APBA1: variants seen among roughly 807,000 people sequenced by gnomAD.
APBA1 encodes amyloid beta precursor protein binding family A member 1.
In APBA1, 55 loss-of-function variants were observed where a neutral mutation model predicts 86.6. The ratio of observed to expected loss-of-function variants is 0.64; its 90% CI spans 0.51 to 0.80. APBA1 has a LOEUF of 0.80. Ranked by LOEUF, APBA1 falls within the 30% of genes least tolerant of loss-of-function variation. APBA1 has a pLI of 0.00. For synonymous variants in APBA1, 511 were observed against 493.9 expected (o/e 1.03, Z -0.46); for missense variants, 1,090 against 1,183.0 (o/e 0.92, Z 1.15).
chr9:69,617,767 A>T (rs546041610), intron 1 of APBA1, among the ~76,000 whole-genome samples: 1 of 152,184 alleles, frequency 6.6e-6, no homozygotes, highest in Non-Finnish European at 1.5e-5. Flanking sequence ...GTAATATATA[A>T]TATGAAATTT....
In APBA1 at chr9:69,456,526, C is replaced by G. The variant is rs1046982942; in HGVS notation, c.1603-94G>C. ...CTTACAGCCAGTCAAGTATGGTTCG[C>G]ATGCAGGGTGGGCTCCAGGGCTCAC... On this transcript the variant is annotated intron_variant, in intron 7 of 12. Transcript: ENST00000265381. 9.7e-6 allele frequency: 13 copies of G among 1,341,214 alleles called. No homozygotes were observed. In the African/African-American group the frequency reaches 1.8e-4, roughly 18 times the overall value. 83.1% of individuals were successfully genotyped at this position (1,341,214 alleles called of 1,614,324 possible).
intron 1 of APBA1, among the ~76,000 whole-genome samples, chr9:69,577,451 C>T (rs1303597852): frequency 6.6e-6 from 1 of 152,152 alleles, no homozygotes; most frequent in Non-Finnish European, 1.5e-5. Context: ...CACTCCAGTA[C>T]ACCAGCACAC....
At chr9:69,469,356 G>A (rs1692348240) in intron 4 of APBA1, among the ~76,000 whole-genome samples, 1 of 152,108 alleles carries the variant, frequency 6.6e-6, no homozygotes, top group Admixed American at 6.5e-5. Context: ...TTACACAGCT[G>A]CTTCCTGTGC....
Position 69,604,890 on chromosome 9 carries a change from G to A in APBA1, c.-70+67263C>T, listed in dbSNP as rs568801573. ...TGGGCACACATGTACGCACATGAGG[G>A]TAAGAGGAGAGGCACACGGGTATGG... On this transcript the variant is annotated intron_variant, in intron 1 of 12. Coordinates refer to ENST00000265381, the MANE Select transcript of APBA1 (RefSeq NM_001163.4). Among the ~76,000 whole-genome samples the A allele has an allele frequency of 1.2e-4, 18 of 152,046 alleles. No homozygotes were observed. The South Asian group carries it at 3.7e-3, about 32-fold the overall frequency.
chr9:69,658,286 C>CTTTTTCTTTCTTTCTTTCTT (rs770180947), intron 1 of APBA1, among the ~76,000 whole-genome samples: 1 of 74,184 alleles, frequency 1.3e-5, no homozygotes, highest in East Asian at 3.8e-4. Context: ...CTTTCTTTCT[C>CTTTTTCTTTCTTTCTTTCTT]TCTCTCTTTC....
At chr9:69,660,523 T>C (rs1337907028) in intron 1 of APBA1, among the ~76,000 whole-genome samples, 2 of 152,336 alleles carry the variant, frequency 1.3e-5, no homozygotes, top group Middle Eastern at 3.4e-3. Flanking sequence ...TCTGTTTGCT[T>C]TTCCTCTCTG....
At chr9:69,619,827 A>G (rs1822779299) in intron 1 of APBA1, among the ~76,000 whole-genome samples, 1 of 152,236 alleles carries the variant, frequency 6.6e-6, no homozygotes. Context: ...CTGCCCCCAC[A>G]TATGTAACAG....
At chr9:69,442,891 G>A (rs1186081502) in intron 10 of APBA1, among the ~76,000 whole-genome samples, 1 of 152,170 alleles carries the variant, frequency 6.6e-6, no homozygotes, top group Non-Finnish European at 1.5e-5. Flanking sequence ...CTGGAACTAT[G>A]GATCCCTGCT....
intron 1 of APBA1, among the ~76,000 whole-genome samples, chr9:69,590,996 C>T (rs1822117336): frequency 6.6e-6 from 1 of 152,178 alleles, no homozygotes; most frequent in Non-Finnish European, 1.5e-5. Flanking sequence ...AAATCCTTTC[C>T]CACTGTTGCC....
intron 5 of APBA1, chr9:69,463,190 G>C (rs1835218973): frequency 6.6e-6 from 1 of 152,140 alleles, no homozygotes; most frequent in Non-Finnish European, 1.5e-5. Context: ...TTAAATTTCA[G>C]AGCCCTCAGC....
At chr9:69,505,069 C>A (rs971004072) in intron 2 of APBA1, among the ~76,000 whole-genome samples, 1 of 152,022 alleles carries the variant, frequency 6.6e-6, no homozygotes, top group African/African-American at 2.4e-5. Flanking sequence ...AAAACAGAAA[C>A]CTCATCAGTG....
chr9:69,600,211 A>G (rs1247690726), intron 1 of APBA1, among the ~76,000 whole-genome samples: 2 of 152,202 alleles, frequency 1.3e-5, no homozygotes, highest in South Asian at 2.1e-4. Context: ...CAGGGAGAGC[A>G]TAGGCTGTGG....
At chr9:69,471,468 G>C (rs772652464) in intron 4 of APBA1, among the ~76,000 whole-genome samples, 188 bp downstream of exon 4, 6 of 152,182 alleles carry the variant, frequency 3.9e-5, no homozygotes, top group Non-Finnish European at 8.8e-5. Context: ...AAAGACGTGA[G>C]GAGGATTTCT....
chr9:69,601,497 ATTAAGTGGGT>A (rs1386793920), intron 1 of APBA1, among the ~76,000 whole-genome samples: 1 of 152,226 alleles, frequency 6.6e-6, no homozygotes, highest in Non-Finnish European at 1.5e-5. Context: ...GTTGGCAACT[ATTAAGTGGGT>A]AAATTACATG....
intron 1 of APBA1, among the ~76,000 whole-genome samples, chr9:69,593,928 T>C (rs1370937224): frequency 6.6e-6 from 1 of 152,234 alleles, no homozygotes; most frequent in African/African-American, 2.4e-5. Context: ...ACTCAACTTT[T>C]ACTTAACTTT....
At chr9:69,552,691 A>G (rs1267573633) in intron 1 of APBA1, among the ~76,000 whole-genome samples, 1 of 152,250 alleles carries the variant, frequency 6.6e-6, no homozygotes, top group East Asian at 1.9e-4. Flanking sequence ...AGCAAAAGCT[A>G]TACTTAAAAA....
chr9:69,523,471 ATATATGTATATATATATATATATATG>A (rs1210094485), intron 1 of APBA1, among the ~76,000 whole-genome samples: 2 of 84,016 alleles, frequency 2.4e-5, no homozygotes, highest in Non-Finnish European at 4.5e-5. Context: ...GTGTATATAT[ATATATGTATATATATATATATATATG>A]TATATATATA....
At position 69,431,326 on chromosome 9, in the gene APBA1, G is replaced by T; in HGVS notation, c.*1C>A. 6.2e-7 allele frequency: 1 copy of T among 1,603,878 alleles called. No homozygotes were observed. Among genetic ancestry groups the T allele is most frequent in the Non-Finnish European group, 8.5e-7 (1 of 1,175,972 alleles). ...ATGCATGCCACCGCGTGTGGCCGCG[G>T]TCAGATGTAAACAGGCTGCTCCTGG... On this transcript the variant is annotated 3_prime_UTR_variant, in exon 13 of 13. Coordinates refer to ENST00000265381, the MANE Select transcript of APBA1 (RefSeq NM_001163.4).
intron 11 of APBA1, among the ~76,000 whole-genome samples, chr9:69,439,966 G>C (rs1017657255): frequency 2.6e-5 from 4 of 152,054 alleles, no homozygotes; most frequent in African/African-American, 9.7e-5. Context: ...TTTTTGGTTT[G>C]GATGTCCTTT....
Sources: allele counts gnomAD v4.1 joint callset (sites outside exome capture counted in the v4.1 genomes callset), GRCh38; gene constraint gnomAD v4.1.1; transcripts MANE v1.5; gene names NCBI Gene and HGNC (gene_info 2026-07-23, HGNC 2026-07-21).